The following CEP89 variants were observed in gnomAD, a reference collection of about 807,000 sequenced individuals.
CEP89 encodes the protein centrosomal protein 89, also known as centrosomal protein of 89 kDa.
CEP89 carries 95 observed loss-of-function variants against 97.6 expected under a neutral mutation model. That is an observed-to-expected ratio of 0.97 (90% CI 0.82 to 1.15). The LOEUF is 1.15. Among genes scored for constraint, CEP89 ranks in the 50% most tolerant of loss-of-function variants. CEP89 has a pLI of 0.00. For synonymous variants in CEP89, 354 were observed against 349.1 expected, an observed-to-expected ratio of 1.01 and a Z score of -0.16; for missense variants, 869 against 947.7, an observed-to-expected ratio of 0.92 and a Z score of 1.09.
At chr19:32,904,741 G>A (rs897825632) in intron 14 of CEP89, among the ~76,000 whole-genome samples, 3 of 151,916 alleles carry the variant, frequency 2.0e-5, no homozygotes, top group Admixed American at 6.6e-5. Flanking sequence ...ACAGGCATGC[G>A]CCATCACACC....
chr19:32,902,737 C>T (rs1053182595), intron 14 of CEP89, among the ~76,000 whole-genome samples: 3 of 152,086 alleles, frequency 2.0e-5, no homozygotes, highest in South Asian at 2.1e-4. Context: ...GGGCAGAGGG[C>T]GTTTCACGGA....
intron 12 of CEP89, among the ~76,000 whole-genome samples, chr19:32,921,710 T>C (rs1366176343): frequency 1.3e-5 from 2 of 152,024 alleles, no homozygotes; most frequent in African/African-American, 2.4e-5. Flanking sequence ...TGCTTTCCAG[T>C]CCACTGTTCA....
At chr19:32,885,912 C>G (rs1321548900) in intron 17 of CEP89, among the ~76,000 whole-genome samples, 1 of 152,062 alleles carries the variant, frequency 6.6e-6, no homozygotes, top group Non-Finnish European at 1.5e-5. Flanking sequence ...CTGCATATCC[C>G]TTATTGCGCT....
chr19:32,938,766 A>G (rs1478890975), intron 6 of CEP89, among the ~76,000 whole-genome samples: 1 of 152,114 alleles, frequency 6.6e-6, no homozygotes, highest in Non-Finnish European at 1.5e-5. Flanking sequence ...ACTGGCCAAC[A>G]TGGTGAAATC....
intron 6 of CEP89, among the ~76,000 whole-genome samples, chr19:32,937,990 C>T (rs957009349): frequency 6.9e-6 from 1 of 143,988 alleles, no homozygotes; most frequent in African/African-American, 2.6e-5. Flanking sequence ...TACACATGGG[C>T]CATCACACCT....
intron 9 of CEP89, among the ~76,000 whole-genome samples, chr19:32,930,465 A>C (rs1970447914): frequency 6.6e-6 from 1 of 152,112 alleles, no homozygotes; most frequent in South Asian, 2.1e-4. Flanking sequence ...TTATATTTCA[A>C]AGCTGTTATT....
chr19:32,967,821 C>T (rs987762060), intron 1 of CEP89, among the ~76,000 whole-genome samples: 11 of 152,146 alleles, frequency 7.2e-5, no homozygotes, highest in South Asian at 4.1e-4. Flanking sequence ...CACGATTCTC[C>T]GTTTTGCTAG....
chr19:32,899,989 T>C lies in CEP89; in HGVS notation c.1743A>G (p.Gln581=), dbSNP rs1429084311. ...ERAQKINRKS[Q]KKIEVLKKQV... is the part of the protein sequence containing the mutation. The stretch of plus-strand genomic sequence containing the variant: ...GCTTTTTGAGGACCTCAATTTTCTT[T>C]TGAGATTTCCTAGAGAGTTACCCCA... The change falls in exon 16 of 19, where the codon CAA becomes CAG. Residue 581 remains glutamine, a synonymous_variant. Coordinates refer to ENST00000305768, the MANE Select transcript of CEP89 (RefSeq NM_032816.5). 1 of 1,614,138 alleles carries C rather than the reference T, an allele frequency of 6.2e-7. No individual in the cohort carries two copies. Among genetic ancestry groups the C allele is most frequent in the East Asian group, 2.2e-5 (1 of 44,866 alleles).
At chr19:32,959,544 A>G (rs1971120124) in intron 3 of CEP89, among the ~76,000 whole-genome samples, 1 of 152,196 alleles carries the variant, frequency 6.6e-6, no homozygotes, top group East Asian at 1.9e-4. Flanking sequence ...GACCACTCTC[A>G]CTGTTCAGGT....
At chr19:32,885,973 C>G (rs572121529) in intron 17 of CEP89, among the ~76,000 whole-genome samples, 3 of 152,302 alleles carry the variant, frequency 2.0e-5, no homozygotes, top group South Asian at 4.1e-4. Context: ...TAAACCGCTT[C>G]TCTGTCCCTT....
chr19:32,960,126 C>A lies in CEP89; in HGVS notation c.147-68G>T. 3.2e-6 allele frequency: 5 copies of A among 1,543,636 alleles called. No homozygotes were observed. The South Asian group carries it at 5.8e-5, about 18-fold the overall frequency. On this transcript the variant is annotated intron_variant, in intron 2 of 18. Coordinates refer to ENST00000305768, the MANE Select transcript of CEP89 (RefSeq NM_032816.5). Reference sequence around the variant, plus strand: ...TTCCAGGTGAATGCTGAACAAGGTACATAAACTCATCAAGGCTTACCTTCT... The same window carrying A: ...TTCCAGGTGAATGCTGAACAAGGTAAATAAACTCATCAAGGCTTACCTTCT...
At chr19:32,923,588 T>C in intron 11 of CEP89, 46 bp from the exon 12 acceptor site, 1 of 1,179,300 alleles carries the variant, frequency 8.5e-7, no homozygotes, top group Non-Finnish European at 1.3e-6. Context: ...TACCCACGCA[T>C]CTATATTTCT....
intron 14 of CEP89, among the ~76,000 whole-genome samples, chr19:32,913,675 G>A (rs1599734240): frequency 7.4e-6 from 1 of 134,718 alleles, no homozygotes; most frequent in Non-Finnish European, 1.6e-5. Context: ...TCTCGCTCTT[G>A]TCCCCCAGGC....
At chr19:32,948,197 A>C in intron 5 of CEP89, 69 bp downstream of exon 5, 1 of 866,142 alleles carries the variant, frequency 1.2e-6, no homozygotes, top group Non-Finnish European at 1.8e-6. Context: ...TGTTTTCCTA[A>C]AAATAAGCAA....
intron 12 of CEP89, among the ~76,000 whole-genome samples, chr19:32,918,854 GTTTCTTT>G (rs1452957571): frequency 3.4e-4 from 51 of 148,426 alleles, no homozygotes; most frequent in African/African-American, 1.2e-3. Flanking sequence ...CTTTGAAATG[GTTTCTTT>G]TTTCTTTTTT....
rs1359834843 is a variant in CEP89, at chr19:32,926,999, T to C, written c.1030-15A>G. ...ATATTTAAGCTCTAAGAACAAAACA[T>C]GTATTGAAGACAAGTTAAACCACAC... is the stretch of plus-strand genomic sequence containing the variant. On this transcript the variant is annotated splice_polypyrimidine_tract_variant and intron_variant, in intron 9 of 18. Coordinates refer to ENST00000305768, the MANE Select transcript of CEP89 (RefSeq NM_032816.5). 1.2e-6 allele frequency: 2 copies of C among 1,609,290 alleles called. No individual in the cohort carries two copies. The highest frequency in any genetic ancestry group is 1.7e-5 in the Admixed American group (1 of 59,950).
At chr19:32,914,098 T>C (rs905287750) in intron 14 of CEP89, among the ~76,000 whole-genome samples, 8 of 151,908 alleles carry the variant, frequency 5.3e-5, no homozygotes, top group African/African-American at 1.9e-4. Flanking sequence ...AGTCCAGGAG[T>C]TTGAGACCAG....
intron 16 of CEP89, among the ~76,000 whole-genome samples, chr19:32,890,747 C>A (rs1969497807): frequency 6.6e-6 from 1 of 152,124 alleles, no homozygotes. Context: ...CCCCTGCAGG[C>A]CCTGAGACTG....
At chr19:32,932,707 A>G (rs1970500293) in intron 8 of CEP89, among the ~76,000 whole-genome samples, 1 of 152,050 alleles carries the variant, frequency 6.6e-6, no homozygotes, top group African/African-American at 2.4e-5. Flanking sequence ...TAAGTGGCCA[A>G]GGAGGAAAAA....
Sources: allele counts gnomAD v4.1 joint callset (sites outside exome capture counted in the v4.1 genomes callset), GRCh38; gene constraint gnomAD v4.1.1; transcripts MANE v1.5; gene names NCBI Gene and HGNC (gene_info 2026-07-23, HGNC 2026-07-21).